Variants in CDC14B observed in about 807,000 individuals in gnomAD.
CDC14B encodes dual specificity protein phosphatase CDC14B.
A neutral mutation model predicts 64.2 loss-of-function variants in CDC14B; 22 were observed. The ratio of observed to expected loss-of-function variants is 0.34; its 90% CI spans 0.24 to 0.49. CDC14B has a LOEUF of 0.49. Among genes scored for constraint, CDC14B ranks in the 20% least tolerant of loss-of-function variants. CDC14B has a pLI of 0.99. For missense variants in CDC14B, 498 were observed against 629.9 expected, an observed-to-expected ratio of 0.79 and a Z score of 2.24; for synonymous variants, 191 against 215.8, an observed-to-expected ratio of 0.89 and a Z score of 1.01.
intron 1 of CDC14B, chr9:96,566,839 G>T: frequency 6.3e-7 from 1 of 1,597,670 alleles, no homozygotes; most frequent in African/African-American, 1.3e-5. Flanking sequence ...TCTGGAAGGC[G>T]GGGCAGAGGC....
At chr9:96,507,022 C>T (rs545776059) in intron 13 of CDC14B, among the ~76,000 whole-genome samples, 3 of 152,246 alleles carry the variant, frequency 2.0e-5, no homozygotes, top group Non-Finnish European at 4.4e-5. Flanking sequence ...GGCCGGGCGC[C>T]GTGGCTCACG....
intron 1 of CDC14B, among the ~76,000 whole-genome samples, chr9:96,583,036 A>G (rs182390845): frequency 1.3e-5 from 2 of 152,332 alleles, no homozygotes; most frequent in Admixed American, 1.3e-4. Flanking sequence ...GGCCATTATT[A>G]AAGCAGGGAG....
At chr9:96,557,127 C>T (rs1473387694) in intron 4 of CDC14B, among the ~76,000 whole-genome samples, 1 of 152,244 alleles carries the variant, frequency 6.6e-6, no homozygotes, top group Non-Finnish European at 1.5e-5. Flanking sequence ...AAACGCCCGT[C>T]AGAAGCCCTC....
At chr9:96,556,525 C>T (rs1222787824) in intron 4 of CDC14B, among the ~76,000 whole-genome samples, 1 of 151,804 alleles carries the variant, frequency 6.6e-6, no homozygotes, top group African/African-American at 2.4e-5. Flanking sequence ...AGAAAAAAAA[C>T]TCGTTAAAAA....
intron 9 of CDC14B, among the ~76,000 whole-genome samples, chr9:96,526,541 G>A (rs1837594163): frequency 6.6e-6 from 1 of 152,106 alleles, no homozygotes; most frequent in Non-Finnish European, 1.5e-5. Context: ...AACTTCTGTT[G>A]TTTAAGCCAC....
At chr9:96,618,893 C>G in intron 1 of CDC14B, 1 of 334,224 alleles carries the variant, frequency 3.0e-6, no homozygotes, top group South Asian at 2.9e-5. Flanking sequence ...TCAGAAGCAG[C>G]CCGCGGGGAG....
At chr9:96,535,325 A>T (rs1165897863) in intron 7 of CDC14B, among the ~76,000 whole-genome samples, 3 of 152,160 alleles carry the variant, frequency 2.0e-5, no homozygotes, top group African/African-American at 4.8e-5. Flanking sequence ...AAAAATTAAA[A>T]AAATAAATAA....
rs1192944454 is a variant in CDC14B, at chr9:96,562,861, T to G, written c.328-76A>C. On this transcript the variant is annotated intron_variant, in intron 3 of 13. Transcript: ENST00000375241. Reference sequence around the variant, plus strand: ...CCACAATTTCATTTTGTGATGAAGATCAATTCCAAATCCCATAACCATTCA... The same window carrying G: ...CCACAATTTCATTTTGTGATGAAGAGCAATTCCAAATCCCATAACCATTCA... The G allele has an allele frequency of 3.1e-6, 3 of 967,926 alleles. No individual in the cohort carries two copies. The Admixed American group carries it at 5.5e-5, about 18-fold the overall frequency. The allele number at this position is 967,926 out of a possible 1,614,324, so 60.0% of individuals were successfully genotyped here. A position where few individuals can be genotyped will look rare whatever the true frequency, so the allele number is the denominator to read the frequency against.
intron 4 of CDC14B, among the ~76,000 whole-genome samples, chr9:96,553,908 G>A (rs535970255): frequency 6.6e-6 from 1 of 152,164 alleles, no homozygotes; most frequent in South Asian, 2.1e-4. Context: ...GCTCACGCCT[G>A]TAATCCCAGG....
At chr9:96,592,280 G>C (rs1845835563) in intron 1 of CDC14B, among the ~76,000 whole-genome samples, 1 of 151,992 alleles carries the variant, frequency 6.6e-6, no homozygotes. Flanking sequence ...GTCTCACTAT[G>C]TTGCCCAGGC....
chr9:96,503,910 G>T lies in CDC14B; in HGVS notation c.1461-121C>A, dbSNP rs916192879. ...ACATGCTAAAAAGTATACGCTTGCT[G>T]TAAGTTTCTAATGACAAATACTTTG... On this transcript the variant is annotated intron_variant, in intron 13 of 13. Coordinates refer to ENST00000375241, the MANE Select transcript of CDC14B (RefSeq NM_033331.4). The T allele has an allele frequency of 8.3e-6, 6 of 720,614 alleles. No homozygotes were observed. The African/African-American group carries it at 9.0e-5, about 11-fold the overall frequency. The allele number at this position is 720,614 out of a possible 1,614,324, so 44.6% of individuals were successfully genotyped here.
downstream of CDC14B, among the ~76,000 whole-genome samples, chr9:96,498,733 T>G (rs561367183): frequency 6.6e-5 from 10 of 152,330 alleles, no homozygotes; most frequent in Non-Finnish European, 1.3e-4. Flanking sequence ...CCGATACTGT[T>G]TTAAGCACTT....
rs1842013616 is a variant in CDC14B, at chr9:96,552,922, A to AT, written c.421-1051dup. ...GGGAAATAGATTTTAAATTTCACTA[A>AT]TAAAAAAAAAGAAATCACTAAAAAA... is the stretch of plus-strand genomic sequence containing the variant. On this transcript the variant is annotated intron_variant, in intron 4 of 13. Coordinates refer to ENST00000375241, the MANE Select transcript of CDC14B (RefSeq NM_033331.4). Among the ~76,000 whole-genome samples, 3 of 152,320 alleles carry AT rather than the reference A, an allele frequency of 2.0e-5. No homozygotes were observed. In the South Asian group the frequency reaches 6.2e-4, roughly 32 times the overall value.
chr9:96,534,745 T>C (rs926936277), intron 7 of CDC14B, among the ~76,000 whole-genome samples: 1 of 152,218 alleles, frequency 6.6e-6, no homozygotes, highest in Non-Finnish European at 1.5e-5. Flanking sequence ...CTAATCATCT[T>C]CTTTTAACAG....
intron 1 of CDC14B, among the ~76,000 whole-genome samples, chr9:96,615,561 A>G (rs1847572373): frequency 6.6e-6 from 1 of 152,234 alleles, no homozygotes; most frequent in South Asian, 2.1e-4. Context: ...ATTAATTTTT[A>G]CAAACCTACT....
intron 4 of CDC14B, among the ~76,000 whole-genome samples, chr9:96,554,342 A>G (rs186241081): frequency 1.4e-4 from 21 of 152,318 alleles, no homozygotes; most frequent in Middle Eastern, 3.4e-3. Flanking sequence ...CTCAAATTAT[A>G]CAAATTTTTC....
intron 5 of CDC14B, among the ~76,000 whole-genome samples, chr9:96,544,146 G>C (rs1564295036): frequency 6.6e-6 from 1 of 152,100 alleles, no homozygotes; most frequent in African/African-American, 2.4e-5. Context: ...GAACCTGGGA[G>C]GCAGAGGTTG....
chr9:96,536,873 G>A (rs945530523), intron 7 of CDC14B, among the ~76,000 whole-genome samples: 20 of 152,044 alleles, frequency 1.3e-4, no homozygotes, highest in African/African-American at 4.8e-4. Flanking sequence ...CCTATTTGGA[G>A]GATAAAGCTG....
At chr9:96,579,577 T>A (rs1409747119) in intron 1 of CDC14B, among the ~76,000 whole-genome samples, 2 of 146,738 alleles carry the variant, frequency 1.4e-5, no homozygotes, top group African/African-American at 2.5e-5. Context: ...AGAGCAAGAC[T>A]CTGTCTCAAA....
Sources: gnomAD v4.1 joint callset for allele counts (sites outside exome capture counted in the v4.1 genomes callset) on GRCh38, gnomAD v4.1.1 for gene constraint, MANE v1.5 for transcripts, NCBI Gene and HGNC (gene_info 2026-07-23, HGNC 2026-07-21) for gene names.